The following NOL7 variants were observed in gnomAD, a reference collection of about 807,000 sequenced individuals.
NOL7 encodes U3 small nucleolar RNA-associated protein NOL7.
NOL7 carries 36 observed loss-of-function variants against 38.4 expected under a neutral mutation model. The ratio of observed to expected loss-of-function variants is 0.94; its 90% CI spans 0.72 to 1.24. NOL7 has a LOEUF of 1.24. Among genes scored for constraint, NOL7 ranks in the 50% most tolerant of loss-of-function variants. The pLI is 0.00. For synonymous variants in NOL7, 142 were observed against 126.5 expected, an observed-to-expected ratio of 1.12 and a Z score of -0.82; for missense variants, 350 against 315.1, an observed-to-expected ratio of 1.11 and a Z score of -0.84.
intron 2 of NOL7, 74 bp from the exon 3 acceptor site, chr6:13,616,389 G>T: frequency 9.5e-7 from 1 of 1,049,242 alleles, no homozygotes; most frequent in East Asian, 2.5e-5. Flanking sequence ...CTTAAAAGCG[G>T]TAACTTCAGA....
intron 8 of NOL7, among the ~76,000 whole-genome samples, chr6:13,630,852 T>C (rs1396723705): frequency 6.6e-6 from 1 of 152,152 alleles, no homozygotes; most frequent in Admixed American, 6.5e-5. Context: ...TATTTTTTTT[T>C]TTTTAAGAGG....
At chr6:13,620,641 C>A in intron 7 of NOL7, 113 bp from the exon 8 acceptor site, 1 of 951,164 alleles carries the variant, frequency 1.1e-6, no homozygotes, top group Non-Finnish European at 1.6e-6. Flanking sequence ...GTATATACAT[C>A]TAAAGTATAA....
Position 13,620,577 on chromosome 6 carries a change from CCTTATAATGG to C in NOL7, c.700+99_700+108del, listed in dbSNP as rs1489433128. ...GATAGTTCATAATTATACTTTTCCC[CCTTATAATGG>C]CTTATATATTAAGTTACTTGTGAAA... On this transcript the variant is annotated intron_variant, in intron 7 of 7. Transcript: ENST00000451315. 7.8e-6 allele frequency: 10 copies of C among 1,283,902 alleles called. No individual in the cohort carries two copies. In the East Asian group the frequency reaches 2.4e-4, roughly 31 times the overall value. 79.5% of individuals were successfully genotyped at this position (1,283,902 alleles called of 1,614,324 possible). A position where few individuals can be genotyped will look rare whatever the true frequency, so the allele number is the denominator to read the frequency against.
At chr6:13,631,876 T>C (rs1764792230) in intron 8 of NOL7, among the ~76,000 whole-genome samples, 1 of 152,200 alleles carries the variant, frequency 6.6e-6, no homozygotes, top group Admixed American at 6.5e-5. Flanking sequence ...TTAACTATTC[T>C]GGCCATGAAA....
intron 5 of NOL7, among the ~76,000 whole-genome samples, chr6:13,618,588 CTG>C (rs2127754602): frequency 6.6e-6 from 1 of 152,274 alleles, no homozygotes; most frequent in East Asian, 1.9e-4. Flanking sequence ...ATTGTCGTCT[CTG>C]TGGAAAAACC....
chr6:13,616,562 C>T lies in NOL7; in HGVS notation c.386+41C>T, dbSNP rs750392568. On this transcript the variant is annotated intron_variant, in intron 3 of 7. Coordinates refer to ENST00000451315, the MANE Select transcript of NOL7 (RefSeq NM_016167.5). ...TTTTATATTACTTGCTTATATACAC[C>T]CATCTTTGAATTATATACTGGTACA... is the stretch of plus-strand genomic sequence containing the variant. 5.9e-6 allele frequency: 8 copies of T among 1,347,728 alleles called. No individual in the cohort carries two copies. The South Asian group carries it at 8.9e-5, about 15-fold the overall frequency. The allele number at this position is 1,347,728 out of a possible 1,614,324, so 83.5% of individuals were successfully genotyped here.
downstream of NOL7, among the ~76,000 whole-genome samples, chr6:13,625,226 G>A (rs766423024): frequency 1.3e-5 from 2 of 152,198 alleles, no homozygotes; most frequent in Admixed American, 6.5e-5. Flanking sequence ...GCAGCCAAAC[G>A]AGAGAATGCC....
At chr6:13,624,174 G>A (rs1764535235), downstream of NOL7, among the ~76,000 whole-genome samples, 1 of 152,012 alleles carries the variant, frequency 6.6e-6, no homozygotes, top group Admixed American at 6.6e-5. Context: ...ACAACACTGA[G>A]GACACTACTC....
intron 8 of NOL7, among the ~76,000 whole-genome samples, chr6:13,629,921 C>CTCTCTCGTGT (rs1554221305): frequency 7.8e-6 from 1 of 128,342 alleles, no homozygotes; most frequent in Admixed American, 7.7e-5. Flanking sequence ...CTCTCTCTCT[C>CTCTCTCGTGT]GTGTGTGTGT....
chr6:13,616,419 T>G (rs1764288694), intron 2 of NOL7, 44 bp from the exon 3 acceptor site: 3 of 1,394,118 alleles, frequency 2.2e-6, no homozygotes, highest in Non-Finnish European at 3.0e-6. Context: ...GGACATACTA[T>G]GTACATGACT....
At chr6:13,623,333 T>C (rs1764509643), downstream of NOL7, among the ~76,000 whole-genome samples, 1 of 152,178 alleles carries the variant, frequency 6.6e-6, no homozygotes, top group Non-Finnish European at 1.5e-5. Context: ...CAAAAACAGT[T>C]GACACATGGC....
At chr6:13,615,648 G>A in intron 1 of NOL7, 24 bp downstream of exon 1, 1 of 1,611,742 alleles carries the variant, frequency 6.2e-7, no homozygotes, top group South Asian at 1.1e-5. Flanking sequence ...TGCCCGGCGG[G>A]GAGAACCGCC....
chr6:13,619,611 G>C (rs770668905), intron 5 of NOL7, among the ~76,000 whole-genome samples: 1 of 152,164 alleles, frequency 6.6e-6, no homozygotes, highest in East Asian at 1.9e-4. Flanking sequence ...ACATGTATCC[G>C]AACAATTTCC....
chr6:13,629,390 T>A (rs1023937682), intron 8 of NOL7, among the ~76,000 whole-genome samples: 4 of 152,214 alleles, frequency 2.6e-5, no homozygotes, highest in African/African-American at 9.6e-5. Flanking sequence ...CTAGTTAAGA[T>A]ACATGCACAT....
chr6:13,619,700 T>C (rs1456641717), intron 5 of NOL7, among the ~76,000 whole-genome samples: 1 of 152,194 alleles, frequency 6.6e-6, no homozygotes, highest in Non-Finnish European at 1.5e-5. Context: ...GTTGGATCTA[T>C]CTGAGATGCT....
In NOL7 at chr6:13,615,518, G is replaced by A; in HGVS notation, c.160G>A (p.Glu54Lys). ...CGCCGAGCCCCTGGAGGAAGACGAG[G>A]AAGGGGACGATGAGTTTGACGATGA... ...AAAEPLEEDE[E>K]GDDEFDDEAP... Residue 54 changes from glutamate to lysine, a missense_variant, in exon 1 of 8, where the codon GAA becomes AAA. Coordinates refer to ENST00000451315, the MANE Select transcript of NOL7 (RefSeq NM_016167.5). The A allele has an allele frequency of 1.3e-6, 2 of 1,555,992 alleles. No homozygotes were observed. The highest frequency in any genetic ancestry group is 1.4e-5 in the African/African-American group (1 of 73,496).
intron 8 of NOL7, among the ~76,000 whole-genome samples, chr6:13,631,341 G>A (rs1485129780): frequency 6.6e-6 from 1 of 152,102 alleles, no homozygotes; most frequent in Non-Finnish European, 1.5e-5. Flanking sequence ...TCCTAGGCCA[G>A]GCAAGCATGT....
At chr6:13,616,373 G>A in intron 2 of NOL7, 90 bp from the exon 3 acceptor site, 1 of 829,472 alleles carries the variant, frequency 1.2e-6, no homozygotes, top group Non-Finnish European at 1.9e-6. Flanking sequence ...CTAGATGTAG[G>A]GCATTCTTAA....
At chr6:13,617,093 A>G (rs918032083) in intron 3 of NOL7, among the ~76,000 whole-genome samples, 3 of 151,544 alleles carry the variant, frequency 2.0e-5, no homozygotes, top group Non-Finnish European at 4.4e-5. Flanking sequence ...CCTTTTGCTT[A>G]GGCCAGTGAC....
Sources: gnomAD v4.1 joint callset for allele counts (sites outside exome capture counted in the v4.1 genomes callset) on GRCh38, gnomAD v4.1.1 for gene constraint, MANE v1.5 for transcripts, NCBI Gene and HGNC (gene_info 2026-07-23, HGNC 2026-07-21) for gene names.